The following NLGN4X variants were observed in gnomAD, a reference collection of about 807,000 sequenced individuals.
The protein encoded by NLGN4X is neuroligin-4, X-linked.
NLGN4X carries 3 observed loss-of-function variants against 40.3 expected under a neutral mutation model. The observed-to-expected ratio is 0.07, with a 90% CI of 0.03 to 0.19. The LOEUF is 0.19. NLGN4X is among the 10% of genes least tolerant of loss of function. NLGN4X has a pLI of 1.00. For missense variants in NLGN4X, 382 were observed against 708.3 expected, an observed-to-expected ratio of 0.54 and a Z score of 5.23; for synonymous variants, 270 against 306.8, an observed-to-expected ratio of 0.88 and a Z score of 1.25.
intron 3 of NLGN4X, among the ~76,000 whole-genome samples, chrX:5,925,931 T>A (rs866062895): frequency 1.0e-4 from 6 of 58,555 alleles, no homozygotes; most frequent in South Asian, 1.1e-3. Flanking sequence ...TATATATATA[T>A]AAACCTGCGA....
At chrX:5,902,562 A>AT (rs2031933380) in intron 5 of NLGN4X, among the ~76,000 whole-genome samples, 1 of 110,826 alleles carries the variant, frequency 9.0e-6, no homozygotes, top group Non-Finnish European at 1.9e-5. Flanking sequence ...GGTGGCAGGC[A>AT]CCTGTAGTCC....
At chrX:5,981,534 G>T (rs974963399) in intron 3 of NLGN4X, among the ~76,000 whole-genome samples, 1 of 107,395 alleles carries the variant, frequency 9.3e-6, no homozygotes, top group Non-Finnish European at 1.9e-5. Context: ...CTTGCATTAA[G>T]ATCTACTCAA....
At chrX:5,983,302 T>C in intron 3 of NLGN4X, among the ~76,000 whole-genome samples, 1 of 111,440 alleles carries the variant, frequency 9.0e-6, no homozygotes, top group Admixed American at 9.6e-5. Context: ...CAATTCACAA[T>C]GATTACCAAG....
At chrX:6,125,281 T>C (rs925810478) in intron 2 of NLGN4X, among the ~76,000 whole-genome samples, 1 of 111,793 alleles carries the variant, frequency 8.9e-6, no homozygotes, top group Non-Finnish European at 1.9e-5. Flanking sequence ...TAGGAAATGA[T>C]CAAGGTAAGA....
chrX:6,195,306 A>G (rs1395983784), intron 1 of NLGN4X, among the ~76,000 whole-genome samples: 1 of 112,037 alleles, frequency 8.9e-6, no homozygotes, highest in Non-Finnish European at 1.9e-5. Context: ...AACCTGCCCA[A>G]CACCACAGAA....
chrX:6,113,153 G>C (rs1428312386), intron 2 of NLGN4X, among the ~76,000 whole-genome samples: 1 of 110,927 alleles, frequency 9.0e-6, no homozygotes, highest in Non-Finnish European at 1.9e-5. Flanking sequence ...TCCTGGATAG[G>C]ATTTGAGGAA....
chrX:6,136,662 T>C (rs2039825670), intron 2 of NLGN4X, among the ~76,000 whole-genome samples: 1 of 112,526 alleles, frequency 8.9e-6, no homozygotes, highest in South Asian at 3.7e-4. Flanking sequence ...TATATGCTTA[T>C]GTAACATAAT....
intron 3 of NLGN4X, among the ~76,000 whole-genome samples, chrX:5,995,944 A>G (rs2035805403): frequency 8.9e-6 from 1 of 112,100 alleles, no homozygotes; most frequent in Non-Finnish European, 1.9e-5. Flanking sequence ...AGTGCCATTC[A>G]TCAGACTGTG....
intron 1 of NLGN4X, among the ~76,000 whole-genome samples, chrX:6,204,650 C>G (rs1194481033): frequency 9.0e-6 from 1 of 111,198 alleles, no homozygotes; most frequent in African/African-American, 3.3e-5. Context: ...AAAGAGTGAT[C>G]CCAAGACCAG....
intron 3 of NLGN4X, among the ~76,000 whole-genome samples, chrX:5,991,182 A>C (rs1208101344): frequency 9.0e-6 from 1 of 111,251 alleles, no homozygotes; most frequent in African/African-American, 3.3e-5. Flanking sequence ...GTGAGATTCA[A>C]ATGTTTGAAG....
At chrX:6,099,936 T>C (rs749538706) in intron 2 of NLGN4X, among the ~76,000 whole-genome samples, 6 of 111,981 alleles carry the variant, frequency 5.4e-5, no homozygotes, top group South Asian at 7.4e-4. Context: ...CACAGAAATA[T>C]AGAGGTGTGG....
At chrX:6,129,253 G>A (rs1272966309) in intron 2 of NLGN4X, among the ~76,000 whole-genome samples, 1 of 112,303 alleles carries the variant, frequency 8.9e-6, no homozygotes, top group Non-Finnish European at 1.9e-5. Context: ...TACTTTCTGT[G>A]TTGCTTTCTT....
chrX:6,220,634 A>AC (rs771358914), intron 1 of NLGN4X, among the ~76,000 whole-genome samples: 2 of 109,712 alleles, frequency 1.8e-5, no homozygotes, highest in Middle Eastern at 4.3e-3. Flanking sequence ...CCTGTCCCTT[A>AC]AACACATACT....
chrX:6,068,876 C>A (rs1030245490), intron 2 of NLGN4X, among the ~76,000 whole-genome samples: 1 of 112,229 alleles, frequency 8.9e-6, no homozygotes, highest in African/African-American at 3.2e-5. Flanking sequence ...TTCTCTATCA[C>A]CAAGTAACAA....
intron 3 of NLGN4X, among the ~76,000 whole-genome samples, chrX:5,969,755 C>A (rs1197331516): frequency 3.6e-5 from 4 of 110,190 alleles, no homozygotes; most frequent in Non-Finnish European, 7.6e-5. Context: ...TTCGTAATAG[C>A]AAAGACTTGG....
intron 3 of NLGN4X, among the ~76,000 whole-genome samples, chrX:5,978,245 TG>T (rs761318236): frequency 7.5e-4 from 84 of 111,978 alleles, no homozygotes; most frequent in African/African-American, 2.7e-3. Context: ...TGCTTCCAAC[TG>T]GAATTAAAAA....
intron 1 of NLGN4X, among the ~76,000 whole-genome samples, chrX:6,223,158 T>C (rs1281787044): frequency 9.0e-6 from 1 of 110,909 alleles, no homozygotes; most frequent in Non-Finnish European, 1.9e-5. Flanking sequence ...GTAGGATACA[T>C]ATCTTACTAT....
At chrX:6,112,930 T>C (rs1360254127) in intron 2 of NLGN4X, among the ~76,000 whole-genome samples, 1 of 110,883 alleles carries the variant, frequency 9.0e-6, no homozygotes, top group Non-Finnish European at 1.9e-5. Context: ...CTTGATACAA[T>C]GTAATGAAAG....
At chrX:5,929,391 C>G (rs537763529) in intron 3 of NLGN4X, among the ~76,000 whole-genome samples, 5 of 111,574 alleles carry the variant, frequency 4.5e-5, no homozygotes, top group African/African-American at 1.3e-4. Context: ...CACTTGAACC[C>G]AGGAGGTGGA....
Sources: gnomAD v4.1 joint callset for allele counts (sites outside exome capture counted in the v4.1 genomes callset) on GRCh38, gnomAD v4.1.1 for gene constraint, MANE v1.5 for transcripts, NCBI Gene and HGNC (gene_info 2026-07-23, HGNC 2026-07-21) for gene names.